Variants in DLG2 observed in about 807,000 individuals in gnomAD.
The protein encoded by DLG2 is discs large MAGUK scaffold protein 2, also known as disks large homolog 2.
Under a neutral mutation model 132.5 loss-of-function variants are expected in DLG2, and 45 were observed. That is an observed-to-expected ratio of 0.34 (90% CI 0.27 to 0.44). DLG2 has a LOEUF of 0.44. Among genes scored for constraint, DLG2 ranks in the 20% least tolerant of loss-of-function variants. The pLI is 1.00. For synonymous variants in DLG2, 424 were observed against 419.6 expected, an observed-to-expected ratio of 1.01 and a Z score of -0.13; for missense variants, 1,045 against 1,196.9, an observed-to-expected ratio of 0.87 and a Z score of 1.87.
intron 8 of DLG2, among the ~76,000 whole-genome samples, chr11:84,214,100 C>T (rs1441706658): frequency 6.7e-6 from 1 of 149,538 alleles, no homozygotes; most frequent in Non-Finnish European, 1.5e-5. Flanking sequence ...TTTAAAAAGC[C>T]CAAGCTTAGT....
chr11:84,487,070 G>T (rs562314536), intron 7 of DLG2, among the ~76,000 whole-genome samples: 1 of 152,030 alleles, frequency 6.6e-6, no homozygotes, highest in Non-Finnish European at 1.5e-5. Context: ...AATGTCTAGC[G>T]GTCATAGTTA....
At chr11:83,889,158 A>T (rs1488417381) in intron 15 of DLG2, among the ~76,000 whole-genome samples, 1 of 152,180 alleles carries the variant, frequency 6.6e-6, no homozygotes, top group Non-Finnish European at 1.5e-5. Flanking sequence ...CTACCATCAG[A>T]GTGAACAGGA....
intron 3 of DLG2, among the ~76,000 whole-genome samples, chr11:85,348,021 G>C (rs2082989449): frequency 9.3e-6 from 1 of 107,802 alleles, no homozygotes; most frequent in African/African-American, 3.7e-5. Flanking sequence ...TCGCTCTGTT[G>C]CCAGGCTGGA....
rs1179552853 is a variant in DLG2 at position 85,339,777 on chromosome 11, C to CA, written c.41-54413dup. Among the ~76,000 whole-genome samples, 3 of 151,980 alleles carry CA rather than the reference C, an allele frequency of 2.0e-5. No individual in the cohort carries two copies. In the East Asian group the frequency reaches 5.8e-4, roughly 29 times the overall value. On this transcript the variant is annotated intron_variant, in intron 3 of 27. Coordinates refer to ENST00000376104, the MANE Select transcript of DLG2 (RefSeq NM_001142699.3). ...TAATATCCAGAATCTACAAAGAACT[C>CA]AAACAAATTTACAAGGAAAAAGCAA...
chr11:84,293,886 T>C (rs140549530), intron 7 of DLG2, among the ~76,000 whole-genome samples: 82 of 152,292 alleles, frequency 5.4e-4, no homozygotes, highest in African/African-American at 1.8e-3. Context: ...TCCCCAATTA[T>C]GCAATAACTA....
intron 6 of DLG2, among the ~76,000 whole-genome samples, chr11:84,678,135 C>T (rs2099719068): frequency 6.6e-6 from 1 of 152,046 alleles, no homozygotes; most frequent in Middle Eastern, 3.2e-3. Flanking sequence ...CTTCTTCCTC[C>T]ACCTACAACC....
At chr11:83,811,458 T>C (rs780018149) in intron 17 of DLG2, among the ~76,000 whole-genome samples, 3 of 152,092 alleles carry the variant, frequency 2.0e-5, no homozygotes, top group Non-Finnish European at 4.4e-5. Context: ...ACATTATTAA[T>C]ATCACTAAAA....
At chr11:84,175,575 G>A (rs1251482579) in intron 8 of DLG2, among the ~76,000 whole-genome samples, 1 of 151,856 alleles carries the variant, frequency 6.6e-6, no homozygotes, top group Non-Finnish European at 1.5e-5. Flanking sequence ...CTAAATATAG[G>A]TCACCCTTTC....
intron 3 of DLG2, among the ~76,000 whole-genome samples, chr11:85,487,056 C>G (rs1009511690): frequency 4.3e-5 from 6 of 141,170 alleles, no homozygotes; most frequent in African/African-American, 1.6e-4. Flanking sequence ...AAAAAAAAAA[C>G]AGAGATCACA....
At chr11:84,112,321 CCTTT>C (rs1566553762) in intron 9 of DLG2, among the ~76,000 whole-genome samples, 1 of 91,866 alleles carries the variant, frequency 1.1e-5, no homozygotes, top group East Asian at 3.3e-4. Flanking sequence ...TTTTACTTTT[CCTTT>C]TTTTTTTTTT....
At chr11:84,537,456 T>C (rs1385361489) in intron 6 of DLG2, among the ~76,000 whole-genome samples, 2 of 152,184 alleles carry the variant, frequency 1.3e-5, no homozygotes, top group Non-Finnish European at 2.9e-5. Flanking sequence ...ATAAAATAAA[T>C]ATAAACAAAC....
intron 6 of DLG2, among the ~76,000 whole-genome samples, chr11:84,798,669 A>C (rs866438018): frequency 6.6e-6 from 1 of 152,158 alleles, no homozygotes; most frequent in Middle Eastern, 3.4e-3. Flanking sequence ...GTTCTATCCT[A>C]CTGTAGCCAA....
chr11:85,170,017 T>C (rs2078729804), intron 4 of DLG2, among the ~76,000 whole-genome samples: 1 of 152,210 alleles, frequency 6.6e-6, no homozygotes, highest in South Asian at 2.1e-4. Flanking sequence ...CCACCTAGGA[T>C]TCCTGGCTAA....
chr11:84,743,378 C>T (rs1438410776), intron 6 of DLG2, among the ~76,000 whole-genome samples: 1 of 152,102 alleles, frequency 6.6e-6, no homozygotes, highest in African/African-American at 2.4e-5. Flanking sequence ...TACCAACCAT[C>T]TTTAGTAAGA....
At chr11:84,832,110 C>T (rs991728776) in intron 6 of DLG2, among the ~76,000 whole-genome samples, 1 of 151,672 alleles carries the variant, frequency 6.6e-6, no homozygotes, top group African/African-American at 2.4e-5. Flanking sequence ...AAGAGGAATT[C>T]TGGATTCTTC....
intron 15 of DLG2, among the ~76,000 whole-genome samples, chr11:83,927,950 CGG>C (rs1565674361): frequency 6.6e-6 from 1 of 151,940 alleles, no homozygotes; most frequent in Non-Finnish European, 1.5e-5. Flanking sequence ...TTGAACAATG[CGG>C]TAGATGTGTG....
chr11:85,376,872 A>T (rs914901632), intron 3 of DLG2, among the ~76,000 whole-genome samples: 5 of 152,306 alleles, frequency 3.3e-5, no homozygotes, highest in African/African-American at 1.2e-4. Context: ...AGAGGACAAC[A>T]GGATTAAGCT....
At chr11:84,722,980 T>C (rs942280762) in intron 6 of DLG2, among the ~76,000 whole-genome samples, 2 of 152,172 alleles carry the variant, frequency 1.3e-5, no homozygotes, top group Non-Finnish European at 2.9e-5. Flanking sequence ...CTGTGAAAAT[T>C]TAAAGTCAAA....
chr11:83,713,635 C>T (rs2086001801), intron 18 of DLG2, among the ~76,000 whole-genome samples: 1 of 152,082 alleles, frequency 6.6e-6, no homozygotes, highest in Non-Finnish European at 1.5e-5. Context: ...ATAAATTATT[C>T]CAGTTTGGTT....
Sources: gnomAD v4.1 joint callset for allele counts (sites outside exome capture counted in the v4.1 genomes callset) on GRCh38, gnomAD v4.1.1 for gene constraint, MANE v1.5 for transcripts, NCBI Gene and HGNC (gene_info 2026-07-23, HGNC 2026-07-21) for gene names.